Variants in ADAMTS2 observed in about 807,000 individuals in gnomAD.
ADAMTS2 encodes the protein ADAM metallopeptidase with thrombospondin type 1 motif 2, also known as A disintegrin and metalloproteinase with thrombospondin motifs 2.
A neutral mutation model predicts 123.0 loss-of-function variants in ADAMTS2; 50 were observed. The observed-to-expected ratio is 0.41, with a 90% CI of 0.32 to 0.51. ADAMTS2 has a LOEUF of 0.51. Ranked by LOEUF, ADAMTS2 falls within the 20% of genes least tolerant of loss-of-function variation. The pLI is 0.35. For missense variants in ADAMTS2, 1,494 were observed against 1,705.2 expected, an observed-to-expected ratio of 0.88 and a Z score of 2.18; for synonymous variants, 678 against 695.4, an observed-to-expected ratio of 0.98 and a Z score of 0.39.
At position 179,317,662 on chromosome 5, in the gene ADAMTS2, A is replaced by ACATGCCC. The variant is rs1235797365; in HGVS notation, c.534+26098_534+26104dup. 2.0e-5 allele frequency among the ~76,000 whole-genome samples: 3 copies of ACATGCCC among 152,300 alleles called. No homozygotes were observed. ...ACAGAGCATATGTGTGCTGAGGGAC[A>ACATGCCC]CATGCCCCACACAAACGCCCCCACA... On this transcript the variant is annotated intron_variant, in intron 2 of 21. Transcript: ENST00000251582. The surrounding 1 kb of genome is among the most constrained non-coding windows in gnomAD (Gnocchi z 4.9).
chr5:179,286,353 C>T (rs916722507), intron 2 of ADAMTS2, among the ~76,000 whole-genome samples: 4 of 152,100 alleles, frequency 2.6e-5, no homozygotes, highest in Admixed American at 2.0e-4. Context: ...GGTCTGCACA[C>T]ACCGCCCCTC....
At chr5:179,296,202 G>C (rs1041507976) in intron 2 of ADAMTS2, among the ~76,000 whole-genome samples, 1 of 152,156 alleles carries the variant, frequency 6.6e-6, no homozygotes, top group Non-Finnish European at 1.5e-5. Flanking sequence ...CAGACGCTTT[G>C]GGTGATGCCA....
chr5:179,216,855 C>A (rs958461917), intron 3 of ADAMTS2, among the ~76,000 whole-genome samples: 1 of 152,342 alleles, frequency 6.6e-6, no homozygotes, highest in South Asian at 2.1e-4. Context: ...TGCTAGGAAA[C>A]GGCGGAGGTG....
At chr5:179,240,988 G>A (rs977548902) in intron 3 of ADAMTS2, among the ~76,000 whole-genome samples, 2 of 152,214 alleles carry the variant, frequency 1.3e-5, no homozygotes, top group East Asian at 3.8e-4. Context: ...CCGGTCTTGT[G>A]AAAGAGGAGG....
At chr5:179,316,449 G>A (rs1480524510) in intron 2 of ADAMTS2, among the ~76,000 whole-genome samples, 2 of 152,198 alleles carry the variant, frequency 1.3e-5, no homozygotes, top group Non-Finnish European at 2.9e-5. Context: ...GTCATTGCAT[G>A]TGGGCATCCC....
At chr5:179,310,155 T>C (rs899238722) in intron 2 of ADAMTS2, among the ~76,000 whole-genome samples, 5 of 152,216 alleles carry the variant, frequency 3.3e-5, no homozygotes, top group African/African-American at 1.2e-4. Flanking sequence ...TCCCTGCACG[T>C]CCCATGTCCC....
At position 179,303,035 on chromosome 5, in the gene ADAMTS2, C is replaced by T. The variant is rs1218125564; in HGVS notation, c.535-29971G>A. Among the ~76,000 whole-genome samples the T allele has an allele frequency of 6.6e-6, 1 of 150,546 alleles. No individual in the cohort carries two copies. Reference sequence around the variant, plus strand: ...AGGAGGTCAGAGTGGTGGGCGGGGGCAGACTGCACAGAGCTTCCTCTGCTG... The same window carrying T: ...AGGAGGTCAGAGTGGTGGGCGGGGGTAGACTGCACAGAGCTTCCTCTGCTG... On this transcript the variant is annotated intron_variant, in intron 2 of 21. Transcript: ENST00000251582. This position sits in a 1 kb window ranked among gnomAD's most constrained non-coding sequence, Gnocchi z 4.7.
chr5:179,139,619 G>C (rs1051765616), intron 11 of ADAMTS2, among the ~76,000 whole-genome samples: 1 of 152,166 alleles, frequency 6.6e-6, no homozygotes, highest in African/African-American at 2.4e-5. Context: ...CATGCCCGTG[G>C]CCAGGAGAGA....
Position 179,132,769 on chromosome 5 carries a change from C to A in ADAMTS2, c.2209+8G>T. The A allele has an allele frequency of 6.2e-7, 1 of 1,614,048 alleles. No homozygotes were observed. The highest frequency in any genetic ancestry group is 8.5e-7 in the Non-Finnish European group (1 of 1,179,982). On this transcript the variant is annotated splice_region_variant and intron_variant, in intron 14 of 21. Transcript: ENST00000251582. The surrounding 1 kb of genome is among the most constrained non-coding windows in gnomAD (Gnocchi z 6.1). ...AGGCTCCAGGGTGGAGAGCAGGGAC[C>A]CACTCACCATGCTTCTTGGGTGACC...
chr5:179,246,752 C>T (rs934990512), intron 3 of ADAMTS2, among the ~76,000 whole-genome samples: 1 of 152,218 alleles, frequency 6.6e-6, no homozygotes, highest in Admixed American at 6.5e-5. Context: ...TTTCTTCCTA[C>T]CCTGGCTTTT....
rs537501397 is a variant in ADAMTS2, at chr5:179,263,049, C to T, written c.688+9862G>A. Reference sequence around the variant, plus strand: ...TGATTTGGGGAGCAGTATTATTCCCCCATGATTTGGGGAGCAGCATTATTC... The same window carrying T: ...TGATTTGGGGAGCAGTATTATTCCCTCATGATTTGGGGAGCAGCATTATTC... On this transcript the variant is annotated intron_variant, in intron 3 of 21. Coordinates refer to ENST00000251582, the MANE Select transcript of ADAMTS2 (RefSeq NM_014244.5). Among the ~76,000 whole-genome samples the T allele has an allele frequency of 3.5e-3, 524 of 149,112 alleles. 3 individuals are homozygous for T. The highest frequency in any genetic ancestry group is 0.012 in the African/African-American group (487 of 40,022).
chr5:179,231,868 T>C (rs1038111420), intron 3 of ADAMTS2, among the ~76,000 whole-genome samples: 5 of 151,056 alleles, frequency 3.3e-5, no homozygotes, highest in Admixed American at 3.3e-4. Flanking sequence ...TGAGCCATGA[T>C]TGTGCCACTG....
intron 5 of ADAMTS2, among the ~76,000 whole-genome samples, chr5:179,179,620 C>A (rs913402751): frequency 6.6e-6 from 1 of 152,044 alleles, no homozygotes; most frequent in Non-Finnish European, 1.5e-5. Flanking sequence ...TGCCAATTTC[C>A]CCTTTGTTCC....
chr5:179,205,737 G>A (rs1007392105), intron 4 of ADAMTS2, among the ~76,000 whole-genome samples: 14 of 146,652 alleles, frequency 9.5e-5, no homozygotes, highest in Non-Finnish European at 1.6e-4. Context: ...GCTCGATAAT[G>A]TAGCCATTAT....
intron 3 of ADAMTS2, among the ~76,000 whole-genome samples, chr5:179,208,791 C>G (rs1764781016): frequency 6.6e-6 from 1 of 152,190 alleles, no homozygotes; most frequent in Non-Finnish European, 1.5e-5. Context: ...TGTGTCTAAG[C>G]CAGGTCCCAG....
intron 4 of ADAMTS2, among the ~76,000 whole-genome samples, chr5:179,182,956 C>T (rs1032209680): frequency 3.3e-5 from 5 of 152,174 alleles, no homozygotes; most frequent in Non-Finnish European, 5.9e-5. Flanking sequence ...ATTTGGTCAT[C>T]GCCCTCCGTT....
At chr5:179,288,752 G>A (rs1394376830) in intron 2 of ADAMTS2, among the ~76,000 whole-genome samples, 1 of 152,230 alleles carries the variant, frequency 6.6e-6, no homozygotes, top group Non-Finnish European at 1.5e-5. Flanking sequence ...CTCCCTGGAT[G>A]CCACTACAGA....
At chr5:179,122,841 A>G in intron 19 of ADAMTS2, 68 bp from the exon 20 acceptor site, 1 of 1,546,998 alleles carries the variant, frequency 6.5e-7, no homozygotes, top group South Asian at 1.2e-5. Flanking sequence ...GAGCTGGAGG[A>G]GCCCACAGTC....
In ADAMTS2 at chr5:179,345,314, C is replaced by G. The variant is rs1757918431; in HGVS notation, c.15G>C (p.Ala5=). 1 of 1,135,464 alleles carries G rather than the reference C, an allele frequency of 8.8e-7. No individual in the cohort carries two copies. The highest frequency in any genetic ancestry group is 1.1e-6 in the Non-Finnish European group (1 of 927,034). 70.3% of individuals were successfully genotyped at this position (1,135,464 alleles called of 1,614,324 possible). The part of the protein sequence containing the change: MDPP[A]GAARRLLCPA... Reference sequence around the variant, plus strand: ...GGCAGAGCAGGCGGCGAGCGGCTCCCGCCGGCGGATCCATGGCAGCCGGAC... The same window carrying G: ...GGCAGAGCAGGCGGCGAGCGGCTCCGGCCGGCGGATCCATGGCAGCCGGAC... The change falls in exon 1 of 22, where the codon GCG becomes GCC. Residue 5 remains alanine (A), a synonymous_variant. Transcript: ENST00000251582. The surrounding 1 kb of genome is among the most constrained non-coding windows in gnomAD (Gnocchi z 7.5).
Sources: gnomAD v4.1 joint callset for allele counts (sites outside exome capture counted in the v4.1 genomes callset) on GRCh38, gnomAD v4.1.1 for gene constraint, Gnocchi (gnomAD v3.1) non-coding constraint, MANE v1.5 for transcripts, NCBI Gene and HGNC (gene_info 2026-07-23, HGNC 2026-07-21) for gene names.